Variants in BCL2 observed in about 807,000 individuals in gnomAD.
BCL2 encodes BCL2 apoptosis regulator.
Under a neutral mutation model 14.2 loss-of-function variants are expected in BCL2, and 1 was observed. That is an observed-to-expected ratio of 0.07 (90% CI 0.02 to 0.33). The LOEUF is 0.33. BCL2 is among the 10% of genes least tolerant of loss of function. The pLI, the probability that BCL2 is intolerant of heterozygous loss-of-function variation, is 0.99. For missense variants in BCL2, 247 were observed against 305.9 expected (o/e 0.81, Z 1.44); for synonymous variants, 151 against 137.2 (o/e 1.10, Z -0.70).
chr18:63,138,953 C>T lies in BCL2; in HGVS notation c.586-10194G>A, dbSNP rs4987836. ...CTTCCTTTCTCTGGCATTATTTTCACAGTTTGAAAATAATGTGCAAAGATG... is the reference window on the plus strand; with the variant it reads ...CTTCCTTTCTCTGGCATTATTTTCATAGTTTGAAAATAATGTGCAAAGATG... On this transcript the variant is annotated intron_variant, in intron 2 of 2. Transcript: ENST00000333681. Among the ~76,000 whole-genome samples, 19 of 152,328 alleles carry T rather than the reference C, an allele frequency of 1.2e-4. 1 individual carries two copies. The South Asian group carries it at 2.3e-3, about 18-fold the overall frequency.
rs748305332 is a variant in BCL2, at chr18:63,318,271, C to A, written c.396G>T (p.Thr132=). ...TPFTARGRFA[T]VVEELFRDGV... Reference sequence around the variant, plus strand: ...CGTCCCTGAAGAGCTCCTCCACCACCGTGGCAAAGCGTCCCCGCGCGGTGA... The same window carrying A: ...CGTCCCTGAAGAGCTCCTCCACCACAGTGGCAAAGCGTCCCCGCGCGGTGA... The change falls in exon 2 of 3, where the codon ACG becomes ACT. Residue 132 remains threonine, a synonymous_variant. Coordinates refer to ENST00000333681, the MANE Select transcript of BCL2 (RefSeq NM_000633.3). The surrounding 1 kb of genome is among the most constrained non-coding windows in gnomAD (Gnocchi z 7.4). 1.9e-6 allele frequency: 3 copies of A among 1,614,180 alleles called. No individual in the cohort carries two copies. The South Asian group carries it at 3.3e-5, about 18-fold the overall frequency.
At chr18:63,164,027 T>A (rs1914983994) in intron 2 of BCL2, among the ~76,000 whole-genome samples, 1 of 152,178 alleles carries the variant, frequency 6.6e-6, no homozygotes, top group South Asian at 2.1e-4. Context: ...CCATCATGAG[T>A]CAAGTCCAGT....
chr18:63,297,546 G>C (rs1478995204), intron 2 of BCL2, among the ~76,000 whole-genome samples: 3 of 152,206 alleles, frequency 2.0e-5, no homozygotes, highest in Non-Finnish European at 4.4e-5. Context: ...TGGTGGCACA[G>C]AGCAGCCTTT....
intron 2 of BCL2, among the ~76,000 whole-genome samples, chr18:63,230,418 T>C (rs1057253603): frequency 6.6e-6 from 1 of 151,944 alleles, no homozygotes; most frequent in Non-Finnish European, 1.5e-5. Flanking sequence ...CAATGTAAAC[T>C]CAAAAACAAT....
At chr18:63,187,833 C>T (rs1474705886) in intron 2 of BCL2, among the ~76,000 whole-genome samples, 1 of 152,174 alleles carries the variant, frequency 6.6e-6, no homozygotes, top group Non-Finnish European at 1.5e-5. Flanking sequence ...TGAATGTTTT[C>T]AAATGCAGAT....
At chr18:63,275,263 G>T (rs535838137) in intron 2 of BCL2, among the ~76,000 whole-genome samples, 1 of 151,420 alleles carries the variant, frequency 6.6e-6, no homozygotes, top group African/African-American at 2.4e-5. Context: ...AATAATTTTC[G>T]ATCAAGGTTT....
chr18:63,298,025 C>CA (rs1912848974), intron 2 of BCL2, among the ~76,000 whole-genome samples: 1 of 152,210 alleles, frequency 6.6e-6, no homozygotes, highest in Non-Finnish European at 1.5e-5. Context: ...GGCCGGCACT[C>CA]TCTCTCTGTG....
intron 2 of BCL2, among the ~76,000 whole-genome samples, chr18:63,243,332 C>T (rs988077194): frequency 2.0e-5 from 3 of 152,000 alleles, no homozygotes; most frequent in African/African-American, 7.2e-5. Context: ...TGGACATATA[C>T]AGGGGAACAA....
chr18:63,192,236 G>A (rs1909308822), intron 2 of BCL2, among the ~76,000 whole-genome samples: 1 of 152,218 alleles, frequency 6.6e-6, no homozygotes, highest in South Asian at 2.1e-4. Flanking sequence ...GAAGGAGCCA[G>A]CCCTGGGAAA....
intron 2 of BCL2, among the ~76,000 whole-genome samples, chr18:63,138,886 C>T (rs1428630177): frequency 6.6e-6 from 1 of 152,242 alleles, no homozygotes; most frequent in Admixed American, 6.5e-5. Flanking sequence ...CAGGGGCCCT[C>T]AGGAGCTGGG....
In BCL2 at chr18:63,307,234, T is replaced by C. The variant is rs199705159; in HGVS notation, c.585+10848A>G. Among the ~76,000 whole-genome samples the C allele has an allele frequency of 2.0e-5, 3 of 152,318 alleles. No individual in the cohort carries two copies. In the East Asian group the frequency reaches 5.8e-4, roughly 29 times the overall value. ...AAAAAGAGTCAAGTATCCCAACTCATATTAAATTTCCCCATATTCTCCATA... is the reference window on the plus strand; with the variant it reads ...AAAAAGAGTCAAGTATCCCAACTCACATTAAATTTCCCCATATTCTCCATA... On this transcript the variant is annotated intron_variant, in intron 2 of 2. Transcript: ENST00000333681.
intron 2 of BCL2, 132 bp downstream of exon 2, chr18:63,317,950 G>A (rs1913548667): frequency 2.0e-6 from 3 of 1,475,018 alleles, no homozygotes; most frequent in Admixed American, 2.3e-5. Flanking sequence ...TAGGGACGCC[G>A]GGAAGCAACA....
intron 2 of BCL2, among the ~76,000 whole-genome samples, chr18:63,145,253 T>G (rs916847568): frequency 1.3e-5 from 2 of 152,256 alleles, no homozygotes; most frequent in Non-Finnish European, 2.9e-5. Flanking sequence ...CTATTCTTGC[T>G]GGACCAAAAG....
chr18:63,281,537 C>T (rs551245076), intron 2 of BCL2, among the ~76,000 whole-genome samples: 3 of 151,684 alleles, frequency 2.0e-5, no homozygotes, highest in South Asian at 4.2e-4. Flanking sequence ...CATGGTGGCA[C>T]GTGCCTGTAG....
chr18:63,129,994 G>A, intron 2 of BCL2, among the ~76,000 whole-genome samples: 1 of 152,198 alleles, frequency 6.6e-6, no homozygotes. Context: ...GAGACAAAAA[G>A]TGTCTCCCTT....
intron 2 of BCL2, among the ~76,000 whole-genome samples, chr18:63,227,096 C>T (rs758984782): frequency 2.0e-5 from 3 of 151,888 alleles, no homozygotes; most frequent in Non-Finnish European, 2.9e-5. Flanking sequence ...AGAGAGAACC[C>T]TCTAAATAAA....
intron 2 of BCL2, among the ~76,000 whole-genome samples, chr18:63,178,670 C>T (rs1351025549): frequency 6.6e-6 from 1 of 152,222 alleles, no homozygotes; most frequent in East Asian, 1.9e-4. Context: ...TGTTGCAACA[C>T]CAAGTTTGAG....
chr18:63,285,910 G>A (rs1443164138), intron 2 of BCL2, among the ~76,000 whole-genome samples: 1 of 152,158 alleles, frequency 6.6e-6, no homozygotes, highest in Non-Finnish European at 1.5e-5. Context: ...GTGATGGAGG[G>A]GCAGGTATAG....
chr18:63,264,063 C>T (rs545256682), intron 2 of BCL2, among the ~76,000 whole-genome samples: 1 of 152,318 alleles, frequency 6.6e-6, no homozygotes, highest in African/African-American at 2.4e-5. Flanking sequence ...AGCCACCACG[C>T]CCAGCCTGCT....
Sources: gnomAD v4.1 joint callset for allele counts (sites outside exome capture counted in the v4.1 genomes callset) on GRCh38, gnomAD v4.1.1 for gene constraint, Gnocchi (gnomAD v3.1) non-coding constraint, MANE v1.5 for transcripts, NCBI Gene and HGNC (gene_info 2026-07-23, HGNC 2026-07-21) for gene names.